TULP4: variants seen among roughly 807,000 people sequenced by gnomAD.
TULP4 encodes the protein TUB like protein 4.
Under a neutral mutation model 129.0 loss-of-function variants are expected in TULP4, and 16 were observed. The observed-to-expected ratio is 0.12, with a 90% CI of 0.08 to 0.19. The LOEUF is 0.19. TULP4 is among the 10% of genes least tolerant of loss of function. The pLI, the probability that TULP4 is intolerant of heterozygous loss-of-function variation, is 1.00. For missense variants in TULP4, 1,842 were observed against 2,059.1 expected, an observed-to-expected ratio of 0.89 and a Z score of 2.04; for synonymous variants, 998 against 854.0, an observed-to-expected ratio of 1.17 and a Z score of -2.94.
rs146556433 is a variant in TULP4, at chr6:158,464,750, G to A, written c.1026+3021G>A. ...CTACTTAAGTAGCAGGCTTCAGGGT[G>A]AATAAATGGTAAATGTCTCCTTTCA... On this transcript the variant is annotated intron_variant, in intron 6 of 13. Coordinates refer to ENST00000367097, the MANE Select transcript of TULP4 (RefSeq NM_020245.5). Among the ~76,000 whole-genome samples the A allele has an allele frequency of 2.3e-3, 345 of 152,280 alleles. 1 individual carries two copies. The highest frequency in any genetic ancestry group is 7.7e-3 in the African/African-American group (319 of 41,556).
chr6:158,497,676 T>C (rs1780362240), intron 11 of TULP4, among the ~76,000 whole-genome samples: 1 of 152,258 alleles, frequency 6.6e-6, no homozygotes, highest in South Asian at 2.1e-4. Flanking sequence ...AAAATTCATA[T>C]TATCTTTCCT....
intron 1 of TULP4, among the ~76,000 whole-genome samples, chr6:158,338,686 G>A (rs1012081013): frequency 3.3e-5 from 5 of 152,208 alleles, no homozygotes; most frequent in African/African-American, 1.2e-4. Flanking sequence ...CTAGCAGGTT[G>A]GAAGGTAAAC....
chr6:158,311,223 G>T (rs925607139), upstream of TULP4, among the ~76,000 whole-genome samples: 2 of 152,198 alleles, frequency 1.3e-5, no homozygotes, highest in Admixed American at 6.5e-5. Context: ...TATTAGAAAT[G>T]CGAACACCTG....
At position 158,449,108 on chromosome 6, in the gene TULP4, A is replaced by T. The variant is rs138899998; in HGVS notation, c.656A>T (p.Tyr219Phe). 3.0e-5 allele frequency: 48 copies of T among 1,614,076 alleles called. No homozygotes were observed. In the African/African-American group the frequency reaches 6.0e-4, roughly 20 times the overall value. Residue 219 changes from tyrosine to phenylalanine, a missense_variant, in exon 4 of 14, where the codon TAC (tyrosine) becomes TTC (phenylalanine). Physicochemically the swap from Tyr to Phe is conservative, Grantham distance 22. Around this residue, in one of 5 missense-constraint regions of TULP4, gnomAD observed 456 missense variants for 534.3 expected, o/e 0.85. Coordinates refer to ENST00000367097, the MANE Select transcript of TULP4 (RefSeq NM_020245.5). Reference sequence around the variant, plus strand: ...GGTGTCCTCGGCATGTCCTGGAACTACCCGATCTTCCTGGTGGAGGACAGC... The same window carrying T: ...GGTGTCCTCGGCATGTCCTGGAACTTCCCGATCTTCCTGGTGGAGGACAGC... ...SDGVLGMSWN[Y>F]PIFLVEDSSE...
intron 1 of TULP4, among the ~76,000 whole-genome samples, chr6:158,252,988 G>A (rs1229774690): frequency 6.6e-6 from 1 of 152,188 alleles, no homozygotes; most frequent in African/African-American, 2.4e-5. Flanking sequence ...CTTATTAGAC[G>A]CATCTGCTCC....
chr6:158,507,396 G>C lies in TULP4; in HGVS notation c.*702G>C, dbSNP rs1185043591. Reference sequence around the variant, plus strand: ...CACATCACTCTGCAGACAGCAATGTGACTCAGCGTGTGACTTGTAGCAGCA... The same window carrying C: ...CACATCACTCTGCAGACAGCAATGTCACTCAGCGTGTGACTTGTAGCAGCA... On this transcript the variant is annotated 3_prime_UTR_variant, in exon 14 of 14. Coordinates refer to ENST00000367097, the MANE Select transcript of TULP4 (RefSeq NM_020245.5). The C allele has an allele frequency of 6.6e-6, 1 of 152,486 alleles. No individual in the cohort carries two copies. The highest frequency in any genetic ancestry group is 1.5e-5 in the Non-Finnish European group (1 of 68,244). 9.4% of individuals were successfully genotyped at this position (152,486 alleles called of 1,614,324 possible). A position where few individuals can be genotyped will look rare whatever the true frequency, so the allele number is the denominator to read the frequency against.
At chr6:158,376,684 A>G (rs1258228935) in intron 1 of TULP4, among the ~76,000 whole-genome samples, 3 of 152,228 alleles carry the variant, frequency 2.0e-5, no homozygotes, top group African/African-American at 4.8e-5. Context: ...CAGAGGCTGG[A>G]AGGGCTGCCT....
At chr6:158,356,748 G>GA (rs1252442619) in intron 1 of TULP4, among the ~76,000 whole-genome samples, 1 of 152,146 alleles carries the variant, frequency 6.6e-6, no homozygotes, top group Admixed American at 6.5e-5. Context: ...GACAAAAGGA[G>GA]AGGGCAGTGC....
intron 1 of TULP4, among the ~76,000 whole-genome samples, chr6:158,295,408 G>T (rs1779009546): frequency 1.3e-5 from 2 of 152,000 alleles, no homozygotes; most frequent in Admixed American, 6.6e-5. Flanking sequence ...CAGGTCTGAT[G>T]CCTAATGTAG....
intron 1 of TULP4, among the ~76,000 whole-genome samples, chr6:158,263,072 C>T (rs995307728): frequency 6.6e-6 from 1 of 152,192 alleles, no homozygotes; most frequent in Non-Finnish European, 1.5e-5. Context: ...GACTGAACAT[C>T]CTACCCGTTT....
intron 1 of TULP4, among the ~76,000 whole-genome samples, chr6:158,358,824 C>T (rs866800717): frequency 8.5e-5 from 13 of 152,246 alleles, no homozygotes; most frequent in Admixed American, 7.2e-4. Context: ...TGATAGGTAA[C>T]GAGGTTTCCT....
At chr6:158,417,774 A>G (rs16900758) in intron 2 of TULP4, among the ~76,000 whole-genome samples, 1,850 of 152,354 alleles carry the variant, frequency 0.012, 45 homozygotes, top group African/African-American at 0.041. Context: ...TTTCATTGTC[A>G]CAAAGTAATC....
At chr6:158,236,618 A>T (rs572923043) in intron 1 of TULP4, among the ~76,000 whole-genome samples, 1 of 152,152 alleles carries the variant, frequency 6.6e-6, no homozygotes, top group South Asian at 2.1e-4. Flanking sequence ...CCATAATTTA[A>T]AGTGGAACTT....
intron 1 of TULP4, among the ~76,000 whole-genome samples, chr6:158,233,081 G>A (rs1777628097): frequency 6.6e-6 from 1 of 152,196 alleles, no homozygotes; most frequent in Non-Finnish European, 1.5e-5. Context: ...TTCCTGTGGC[G>A]ACACCGCTTC....
At chr6:158,433,839 C>T (rs1450632891) in intron 3 of TULP4, among the ~76,000 whole-genome samples, 1 of 152,212 alleles carries the variant, frequency 6.6e-6, no homozygotes, top group African/African-American at 2.4e-5. Context: ...TGTAATCCTA[C>T]CTGGAATTTA....
At position 158,502,402 on chromosome 6, in the gene TULP4, G is replaced by A. The variant is rs9364968; in HGVS notation, c.2739G>A (p.Thr913=). ...CCCGGATGCTGTGCTCCCAGAACAC[G>A]TACACCCTCCCCGGCCCGGGTAGCT... ...PRTRMLCSQN[T]YTLPGPGSSA... The change falls in exon 13 of 14, where the codon ACG becomes ACA. Residue 913 remains threonine (T), a synonymous_variant. Transcript: ENST00000367097. 1.9e-6 allele frequency: 3 copies of A among 1,613,396 alleles called. No individual in the cohort carries two copies. Among genetic ancestry groups the A allele is most frequent in the Non-Finnish European group, 2.5e-6 (3 of 1,179,868 alleles).
At chr6:158,459,359 G>A (rs929280803) in intron 5 of TULP4, among the ~76,000 whole-genome samples, 1 of 152,114 alleles carries the variant, frequency 6.6e-6, no homozygotes, top group Non-Finnish European at 1.5e-5. Context: ...GAACCCAGGA[G>A]GCGGAGGTTG....
intron 11 of TULP4, among the ~76,000 whole-genome samples, chr6:158,497,511 G>A (rs1298798461): frequency 6.6e-6 from 1 of 152,134 alleles, no homozygotes; most frequent in African/African-American, 2.4e-5. Context: ...CTCACCATCA[G>A]CCACCTACTT....
chr6:158,315,578 G>C (rs1166060204), intron 1 of TULP4, among the ~76,000 whole-genome samples: 2 of 152,136 alleles, frequency 1.3e-5, no homozygotes, highest in Admixed American at 6.5e-5. Flanking sequence ...AGCATTTCCA[G>C]CACCAGTTAC....
Sources: allele counts gnomAD v4.1 joint callset (sites outside exome capture counted in the v4.1 genomes callset), GRCh38; gene constraint gnomAD v4.1.1; regional missense constraint gnomAD v4.1.1; transcripts MANE v1.5; gene names NCBI Gene and HGNC (gene_info 2026-07-23, HGNC 2026-07-21).